The following KIF1A variants were observed in gnomAD, a reference collection of about 807,000 sequenced individuals.
KIF1A encodes the protein kinesin-like protein KIF1A.
In KIF1A, 46 loss-of-function variants were observed where a neutral mutation model predicts 227.3. The ratio of observed to expected loss-of-function variants is 0.20; its 90% CI spans 0.16 to 0.26. The LOEUF is 0.26. Ranked by LOEUF, KIF1A falls within the 10% of genes least tolerant of loss-of-function variation. KIF1A has a pLI of 1.00. For synonymous variants in KIF1A, 1,022 were observed against 1,012.8 expected (o/e 1.01, Z -0.17); for missense variants, 1,683 against 2,485.9 (o/e 0.68, Z 6.87).
In KIF1A at chr2:240,778,872, C is replaced by A; in HGVS notation, c.883-2946G>T. 6.6e-6 allele frequency among the ~76,000 whole-genome samples: 1 copy of A among 152,172 alleles called. No homozygotes were observed. Among genetic ancestry groups the A allele is most frequent in the East Asian group, 1.9e-4 (1 of 5,166 alleles). On this transcript the variant is annotated intron_variant, in intron 10 of 48. Coordinates refer to ENST00000498729, the MANE Select transcript of KIF1A (RefSeq NM_001244008.2). This position sits in a 1 kb window ranked among gnomAD's most constrained non-coding sequence, Gnocchi z 7.2. The stretch of plus-strand genomic sequence containing the variant: ...CACACGTTCCTCACACAACCCTTCA[C>A]GCCATCCCCAATGCGGGTGCACACA...
At chr2:240,741,064 C>T (rs1032604710) in intron 35 of KIF1A, among the ~76,000 whole-genome samples, 6 of 152,190 alleles carry the variant, frequency 3.9e-5, no homozygotes, top group African/African-American at 1.4e-4. Flanking sequence ...ACCTCCCTGC[C>T]CCTCATGCCA....
At chr2:240,780,806 A>ACACACAGCTC (rs2053610563) in intron 10 of KIF1A, among the ~76,000 whole-genome samples, 3 of 87,050 alleles carry the variant, frequency 3.4e-5, no homozygotes, top group Non-Finnish European at 6.3e-5. Flanking sequence ...CTCCACACAC[A>ACACACAGCTC]CACACACACA....
intron 5 of KIF1A, among the ~76,000 whole-genome samples, chr2:240,786,800 G>GACGCCATCAGGAACC (rs1559530218): frequency 7.0e-6 from 1 of 142,990 alleles, no homozygotes; most frequent in African/African-American, 2.8e-5. Flanking sequence ...GGGGGTGGGG[G>GACGCCATCAGGAACC]CTGCCATCAG....
intron 28 of KIF1A, among the ~76,000 whole-genome samples, chr2:240,747,948 C>T (rs921789453): frequency 2.0e-5 from 3 of 152,250 alleles, no homozygotes; most frequent in African/African-American, 7.2e-5. Flanking sequence ...TGACCTCGCC[C>T]GGGTCACGGG....
chr2:240,720,253 C>T, intron 45 of KIF1A: 1 of 238,884 alleles, frequency 4.2e-6, no homozygotes, highest in Non-Finnish European at 8.1e-6. Flanking sequence ...AGTCCAGCAT[C>T]TCTTCATCTC....
rs546224396 is a variant in KIF1A, at chr2:240,792,616, C to T, written c.107-3304G>A. Among the ~76,000 whole-genome samples the T allele has an allele frequency of 6.6e-6, 1 of 152,166 alleles. No individual in the cohort carries two copies. The highest frequency in any genetic ancestry group is 1.5e-5 in the Non-Finnish European group (1 of 68,038). ...TTTTCTCAGAGTCTCAGCTTTCCTG[C>T]GGCCTTGAGCACCAGGTGTGAGGGC... On this transcript the variant is annotated intron_variant, in intron 2 of 48. Coordinates refer to ENST00000498729, the MANE Select transcript of KIF1A (RefSeq NM_001244008.2). The surrounding 1 kb of genome is among the most constrained non-coding windows in gnomAD (Gnocchi z 4.5).
At position 240,741,140 on chromosome 2, in the gene KIF1A, C is replaced by A. The variant is rs2047908382; in HGVS notation, c.3749+129G>T. ...AGATGAGGCCGGGCCCACAAGAGGT[C>A]TGCAGTGAACACCCGCTGGAAGAAC... On this transcript the variant is annotated intron_variant, in intron 35 of 48. Transcript: ENST00000498729. 4 of 642,530 alleles carry A rather than the reference C, an allele frequency of 6.2e-6. No individual in the cohort carries two copies. In the Admixed American group the frequency reaches 7.1e-5, roughly 11 times the overall value. The allele number at this position is 642,530 out of a possible 1,614,324, so 39.8% of individuals were successfully genotyped here. A position where few individuals can be genotyped will look rare whatever the true frequency, so the allele number is the denominator to read the frequency against.
chr2:240,725,507 C>T lies in KIF1A; in HGVS notation c.4123-103G>A. ...CACAATGCCCAGCACCGACAGGCAG[C>T]CCCAGGGCCTTCCCAGGGCCTCAGG... is the stretch of plus-strand genomic sequence containing the variant. On this transcript the variant is annotated intron_variant, in intron 39 of 48. Transcript: ENST00000498729. The surrounding 1 kb of genome is among the most constrained non-coding windows in gnomAD (Gnocchi z 5.8). 8.4e-6 allele frequency: 11 copies of T among 1,312,922 alleles called. No homozygotes were observed. The highest frequency in any genetic ancestry group is 4.3e-4 in the Middle Eastern group (2 of 4,644). The allele number at this position is 1,312,922 out of a possible 1,614,324, so 81.3% of individuals were successfully genotyped here. A position where few individuals can be genotyped will look rare whatever the true frequency, so the allele number is the denominator to read the frequency against.
chr2:240,739,994 A>T lies in KIF1A; in HGVS notation c.3901+64T>A. Reference sequence around the variant, plus strand: ...TGGTTAGAACCCGGGTATCCAGCTCAGGGCCTGTACTCTTCCCACCAGCTC... The same window carrying T: ...TGGTTAGAACCCGGGTATCCAGCTCTGGGCCTGTACTCTTCCCACCAGCTC... On this transcript the variant is annotated intron_variant, in intron 37 of 48. Coordinates refer to ENST00000498729, the MANE Select transcript of KIF1A (RefSeq NM_001244008.2). The surrounding 1 kb of genome is among the most constrained non-coding windows in gnomAD (Gnocchi z 5.6). 7.6e-7 allele frequency: 1 copy of T among 1,309,302 alleles called. No individual in the cohort carries two copies. Among genetic ancestry groups the T allele is most frequent in the South Asian group, 1.3e-5 (1 of 78,874 alleles). The allele number at this position is 1,309,302 out of a possible 1,614,324, so 81.1% of individuals were successfully genotyped here. A position where few individuals can be genotyped will look rare whatever the true frequency, so the allele number is the denominator to read the frequency against.
rs370623844 is a variant in KIF1A at position 240,786,383 on chromosome 2, G to A, written c.560C>T (p.Thr187Ile). The change falls in exon 6 of 49, where the codon ACC becomes ATC. Residue 187 changes from threonine (T) to isoleucine (I), a missense_variant. Physicochemically the swap from Thr to Ile is moderately conservative, Grantham distance 89 (BLOSUM62 -1). Transcript: ENST00000498729. Reference protein sequence around the residue: ...YVEDLSKLAVTSYNDIQDLMD... With the variant: ...YVEDLSKLAVISYNDIQDLMD... ...GAGGTCCTGGATGTCATTGTAGGAG[G>A]TGACAGCCAGCTTGGAGAGGTCCTC... 31 of 1,613,588 alleles carry A rather than the reference G, an allele frequency of 1.9e-5. No individual in the cohort carries two copies. Among genetic ancestry groups the A allele is most frequent in the Non-Finnish European group, 2.4e-5 (28 of 1,179,804 alleles).
intron 1 of KIF1A, among the ~76,000 whole-genome samples, chr2:240,811,364 CAAAAAAAA>C (rs1020246795): frequency 2.6e-5 from 4 of 151,236 alleles, no homozygotes; most frequent in African/African-American, 7.3e-5. Context: ...GACTCCATCT[CAAAAAAAA>C]GAAAAGAAGA....
chr2:240,782,570 G>A lies in KIF1A; in HGVS notation c.882+20C>T. The A allele has an allele frequency of 1.3e-6, 2 of 1,551,752 alleles. No homozygotes were observed. Among genetic ancestry groups the A allele is most frequent in the Non-Finnish European group, 1.7e-6 (2 of 1,147,466 alleles). ...CACCAGCCTCCCGCACCTGCCCCGG[G>A]GCTGAAGGAAGCCGCTTACCTTGTT... On this transcript the variant is annotated intron_variant, in intron 10 of 48. Coordinates refer to ENST00000498729, the MANE Select transcript of KIF1A (RefSeq NM_001244008.2).
At chr2:240,797,842 A>G (rs1280024543) in intron 1 of KIF1A, 30 bp from the exon 2 acceptor site, 5 of 785,584 alleles carry the variant, frequency 6.4e-6, no homozygotes. Flanking sequence ...TGAATTAGAA[A>G]CAATATCTGA....
chr2:240,731,917 G>A (rs1575536226), intron 38 of KIF1A, among the ~76,000 whole-genome samples: 1 of 118,004 alleles, frequency 8.5e-6, no homozygotes, highest in Non-Finnish European at 1.8e-5. Context: ...AGGAGGGGAG[G>A]AGGGGAGGAG....
At chr2:240,737,927 G>A (rs2047536867) in intron 37 of KIF1A, among the ~76,000 whole-genome samples, 1 of 152,238 alleles carries the variant, frequency 6.6e-6, no homozygotes, top group South Asian at 2.1e-4. Flanking sequence ...CTAGGATTTT[G>A]TGTTGATGGG....
intron 38 of KIF1A, among the ~76,000 whole-genome samples, chr2:240,731,886 A>G (rs543614289): frequency 0.012 from 35 of 2,994 alleles, no homozygotes; most frequent in African/African-American, 0.068. Context: ...GTAAGGGATG[A>G]GGGGAGGAGG....
rs2055305876 is a variant in KIF1A at position 240,789,027 on chromosome 2, C to T, written c.183+209G>A. On this transcript the variant is annotated intron_variant, in intron 3 of 48. Coordinates refer to ENST00000498729, the MANE Select transcript of KIF1A (RefSeq NM_001244008.2). This position sits in a 1 kb window ranked among gnomAD's most constrained non-coding sequence, Gnocchi z 4.8. ...CACACAGCTCTGACCCTGGAAACTA[C>T]CCACACGGAGCTGAAGGCCCCTCAG... Among the ~76,000 whole-genome samples, 1 of 152,196 alleles carries T rather than the reference C, an allele frequency of 6.6e-6. No homozygotes were observed. The highest frequency in any genetic ancestry group is 2.4e-5 in the African/African-American group (1 of 41,436).
intron 1 of KIF1A, among the ~76,000 whole-genome samples, 159 bp downstream of exon 1, chr2:240,819,963 C>A (rs1214387356): frequency 6.6e-6 from 1 of 152,062 alleles, no homozygotes; most frequent in Non-Finnish European, 1.5e-5. Flanking sequence ...GTGAAGGGGC[C>A]TCGCAGTGCC....
intron 15 of KIF1A, among the ~76,000 whole-genome samples, chr2:240,770,405 A>G (rs1337901900): frequency 6.6e-6 from 1 of 152,120 alleles, no homozygotes; most frequent in African/African-American, 2.4e-5. Context: ...GAGCTCAGGA[A>G]CCTGCACCAC....
Sources: gnomAD v4.1 joint callset for allele counts (sites outside exome capture counted in the v4.1 genomes callset) on GRCh38, gnomAD v4.1.1 for gene constraint, Gnocchi (gnomAD v3.1) non-coding constraint, MANE v1.5 for transcripts, NCBI Gene and HGNC (gene_info 2026-07-23, HGNC 2026-07-21) for gene names.